PLEKHA5: variants seen among roughly 807,000 people sequenced by gnomAD.
PLEKHA5 encodes the protein pleckstrin homology domain-containing family A member 5.
PLEKHA5 carries 55 observed loss-of-function variants against 181.9 expected under a neutral mutation model. The observed-to-expected ratio is 0.30, with a 90% confidence interval of 0.24 to 0.38. The LOEUF (loss-of-function observed/expected upper bound fraction) is 0.38, where lower values mean the gene tolerates loss of function less well. PLEKHA5 is among the 10% of genes least tolerant of loss of function. PLEKHA5 has a pLI of 1.00. For synonymous variants in PLEKHA5, 535 were observed against 529.4 expected, an observed-to-expected ratio of 1.01 and a Z score of -0.15; for missense variants, 1,432 against 1,549.5, an observed-to-expected ratio of 0.92 and a Z score of 1.27.
At chr12:19,158,616 C>T (rs1045599877) in intron 3 of PLEKHA5, among the ~76,000 whole-genome samples, 14 of 152,114 alleles carry the variant, frequency 9.2e-5, no homozygotes, top group African/African-American at 3.4e-4. Flanking sequence ...AGACATTTCA[C>T]CTGCTTTGGT....
intron 25 of PLEKHA5, among the ~76,000 whole-genome samples, chr12:19,351,405 T>C (rs537191749): frequency 1.3e-5 from 2 of 152,168 alleles, no homozygotes; most frequent in Non-Finnish European, 2.9e-5. Flanking sequence ...TTAGCTTTTT[T>C]TTAAGCATAT....
At chr12:19,277,237 T>C (rs570916674) in intron 11 of PLEKHA5, among the ~76,000 whole-genome samples, 11 of 152,266 alleles carry the variant, frequency 7.2e-5, no homozygotes, top group African/African-American at 2.6e-4. Flanking sequence ...AATCAGAAGA[T>C]TGGTGCGTCT....
intron 3 of PLEKHA5, among the ~76,000 whole-genome samples, chr12:19,139,277 G>T (rs747514846): frequency 4.6e-5 from 7 of 152,190 alleles, no homozygotes; most frequent in Non-Finnish European, 1.0e-4. Flanking sequence ...AGGTGTGGGA[G>T]GGGGAGCCCC....
At chr12:19,369,617 T>A (rs149838270) in intron 30 of PLEKHA5, 76 bp from the exon 31 acceptor site, 1 of 783,890 alleles carries the variant, frequency 1.3e-6, no homozygotes, top group African/African-American at 1.7e-5. Context: ...TTTTGTGGGA[T>A]TACAGCATCA....
At chr12:19,137,599 C>T (rs186714994) in intron 3 of PLEKHA5, among the ~76,000 whole-genome samples, 115 of 152,312 alleles carry the variant, frequency 7.6e-4, no homozygotes, top group African/African-American at 2.7e-3. Context: ...GTTTGGGGAA[C>T]ATAGACTTAT....
intron 15 of PLEKHA5, among the ~76,000 whole-genome samples, chr12:19,310,289 T>C (rs2085981559): frequency 6.6e-6 from 1 of 152,146 alleles, no homozygotes; most frequent in African/African-American, 2.4e-5. Context: ...CAGAAGTGAA[T>C]TATATGTATT....
At chr12:19,329,374 T>G (rs1400080772) in intron 20 of PLEKHA5, among the ~76,000 whole-genome samples, 1 of 152,144 alleles carries the variant, frequency 6.6e-6, no homozygotes, top group Non-Finnish European at 1.5e-5. Flanking sequence ...GAGGAGACCC[T>G]CCTCCTTATT....
chr12:19,367,821 C>T (rs1001120116), intron 30 of PLEKHA5, among the ~76,000 whole-genome samples: 4 of 150,734 alleles, frequency 2.7e-5, no homozygotes, highest in African/African-American at 7.3e-5. Flanking sequence ...CTCCTGGCCT[C>T]GTGATCCGCC....
intron 11 of PLEKHA5, among the ~76,000 whole-genome samples, chr12:19,279,928 G>C (rs1240469960): frequency 6.7e-6 from 1 of 149,994 alleles, no homozygotes; most frequent in South Asian, 2.1e-4. Context: ...TTCTCTTAGT[G>C]TAAAGGTAAC....
chr12:19,131,423 T>C (rs1237481632), intron 2 of PLEKHA5, among the ~76,000 whole-genome samples: 2 of 152,252 alleles, frequency 1.3e-5, no homozygotes, highest in Non-Finnish European at 2.9e-5. Context: ...ATCATGTTTC[T>C]CAATTCCCCG....
chr12:19,338,892 A>T (rs1416122273), intron 21 of PLEKHA5, among the ~76,000 whole-genome samples: 3 of 151,920 alleles, frequency 2.0e-5, no homozygotes, highest in Non-Finnish European at 4.4e-5. Flanking sequence ...CAAAAAAAAA[A>T]AAAAATAAGA....
chr12:19,176,774 A>G (rs748667447), intron 3 of PLEKHA5, among the ~76,000 whole-genome samples: 53 of 152,160 alleles, frequency 3.5e-4, no homozygotes, highest in Non-Finnish European at 4.6e-4. Context: ...GACAAATAAT[A>G]TATATATCAT....
intron 3 of PLEKHA5, among the ~76,000 whole-genome samples, chr12:19,199,420 T>C (rs2053676553): frequency 6.6e-6 from 1 of 152,188 alleles, no homozygotes; most frequent in Non-Finnish European, 1.5e-5. Context: ...GTCACTGGTT[T>C]GTCCCAAAGA....
At chr12:19,204,253 A>G (rs114815627) in intron 3 of PLEKHA5, among the ~76,000 whole-genome samples, 17 of 152,224 alleles carry the variant, frequency 1.1e-4, no homozygotes, top group African/African-American at 3.8e-4. Flanking sequence ...ACTAATTAGC[A>G]TATGGGTACA....
intron 3 of PLEKHA5, among the ~76,000 whole-genome samples, chr12:19,233,868 G>A (rs556012833): frequency 3.9e-5 from 6 of 152,320 alleles, no homozygotes; most frequent in African/African-American, 1.2e-4. Flanking sequence ...AGGATTAATT[G>A]AGATTTAGGA....
intron 15 of PLEKHA5, among the ~76,000 whole-genome samples, chr12:19,313,842 G>C (rs1416788203): frequency 1.3e-5 from 2 of 151,976 alleles, no homozygotes; most frequent in African/African-American, 2.4e-5. Context: ...AGAGTTTTAA[G>C]ATTTAGTTTT....
rs2057218164 is a variant in PLEKHA5, at chr12:19,212,839, T to TG, written c.228-41101_228-41100insG. Among the ~76,000 whole-genome samples the TG allele has an allele frequency of 2.0e-5, 3 of 150,092 alleles. 1 individual carries two copies. Among genetic ancestry groups the TG allele is most frequent in the African/African-American group, 7.3e-5 (3 of 41,000 alleles). On this transcript the variant is annotated intron_variant, in intron 3 of 31. Coordinates refer to ENST00000429027, the MANE Select transcript of PLEKHA5 (RefSeq NM_001256470.2). Reference sequence around the variant, plus strand: ...GAGAGTGGGTTTTTTTTTGTTGTTTTTTTTTTTTTTTTAATTTCAGGCTCC... The same window carrying TG: ...GAGAGTGGGTTTTTTTTTGTTGTTTTGTTTTTTTTTTTTAATTTCAGGCTCC...
At chr12:19,142,986 A>G (rs2037853036) in intron 3 of PLEKHA5, among the ~76,000 whole-genome samples, 1 of 152,204 alleles carries the variant, frequency 6.6e-6, no homozygotes, top group Non-Finnish European at 1.5e-5. Flanking sequence ...TAAGAATATG[A>G]TGAATAATAT....
chr12:19,178,606 T>C (rs928997401), intron 3 of PLEKHA5, among the ~76,000 whole-genome samples: 2 of 152,234 alleles, frequency 1.3e-5, no homozygotes, highest in African/African-American at 4.8e-5. Flanking sequence ...TTTGAGAACC[T>C]GCTTACCTCT....
Sources: allele counts gnomAD v4.1 joint callset (sites outside exome capture counted in the v4.1 genomes callset), GRCh38; gene constraint gnomAD v4.1.1; transcripts MANE v1.5; gene names NCBI Gene and HGNC (gene_info 2026-07-23, HGNC 2026-07-21).